NSMCE2: variants seen among roughly 807,000 people sequenced by gnomAD.
NSMCE2 encodes NSE2 SUMO ligase component of SMC5/6 complex, also known as E3 SUMO-protein ligase NSE2.
A neutral mutation model predicts 23.8 loss-of-function variants in NSMCE2; 24 were observed. That is an observed-to-expected ratio of 1.01 (90% confidence interval 0.73 to 1.42). The LOEUF (loss-of-function observed/expected upper bound fraction) is 1.42, where lower values mean the gene tolerates loss of function less well. Among genes scored for constraint, NSMCE2 ranks in the 40% most tolerant of loss-of-function variants. The pLI is 0.00. For synonymous variants in NSMCE2, 92 were observed against 94.1 expected, an observed-to-expected ratio of 0.98 and a Z score of 0.13; for missense variants, 284 against 296.5, an observed-to-expected ratio of 0.96 and a Z score of 0.31.
chr8:125,343,465 A>G (rs970510956), intron 5 of NSMCE2, among the ~76,000 whole-genome samples: 1 of 152,210 alleles, frequency 6.6e-6, no homozygotes, highest in African/African-American at 2.4e-5. Context: ...AGAAGAAAAC[A>G]TATTATATAA....
chr8:125,341,592 T>C (rs1474107650), intron 5 of NSMCE2, among the ~76,000 whole-genome samples: 3 of 152,082 alleles, frequency 2.0e-5, no homozygotes, highest in African/African-American at 7.2e-5. Flanking sequence ...TTTTTTCCTC[T>C]AATGAGGGCA....
At chr8:125,142,596 A>G (rs1350028605) in intron 3 of NSMCE2, among the ~76,000 whole-genome samples, 1 of 151,962 alleles carries the variant, frequency 6.6e-6, no homozygotes, top group Admixed American at 6.6e-5. Flanking sequence ...GGCAGTTATA[A>G]AATGTGTATT....
intron 3 of NSMCE2, among the ~76,000 whole-genome samples, chr8:125,146,963 A>T (rs572038351): frequency 6.6e-6 from 1 of 152,314 alleles, no homozygotes; most frequent in East Asian, 1.9e-4. Context: ...TGTAAGTTTG[A>T]TGTGCTGGCA....
At chr8:125,107,852 T>C (rs1326932367) in intron 3 of NSMCE2, among the ~76,000 whole-genome samples, 1 of 151,960 alleles carries the variant, frequency 6.6e-6, no homozygotes, top group East Asian at 1.9e-4. Flanking sequence ...TGCAGCAACA[T>C]GGCAAACCCT....
chr8:125,172,695 G>A (rs1342891011), intron 4 of NSMCE2, among the ~76,000 whole-genome samples: 1 of 152,104 alleles, frequency 6.6e-6, no homozygotes, highest in East Asian at 1.9e-4. Context: ...AGGGGAAATT[G>A]GTTAAAAACA....
At chr8:125,352,400 C>T (rs763461804) in intron 5 of NSMCE2, among the ~76,000 whole-genome samples, 16 of 150,500 alleles carry the variant, frequency 1.1e-4, no homozygotes, top group Non-Finnish European at 1.8e-4. Flanking sequence ...CGCTTGAACC[C>T]GGGAGGCGGA....
chr8:125,255,934 G>A (rs1449065589), intron 5 of NSMCE2, among the ~76,000 whole-genome samples: 2 of 152,126 alleles, frequency 1.3e-5, no homozygotes, highest in Non-Finnish European at 2.9e-5. Flanking sequence ...GGATGGGGAA[G>A]AGAAACTAGA....
At chr8:125,298,687 G>T (rs1174303947) in intron 5 of NSMCE2, among the ~76,000 whole-genome samples, 3 of 85,954 alleles carry the variant, frequency 3.5e-5, no homozygotes, top group Admixed American at 1.3e-4. Context: ...TCATCTGTGG[G>T]TTTTTTTTTG....
intron 5 of NSMCE2, among the ~76,000 whole-genome samples, chr8:125,233,275 G>A (rs1357257747): frequency 6.6e-6 from 1 of 152,200 alleles, no homozygotes; most frequent in Non-Finnish European, 1.5e-5. Flanking sequence ...AATCCACTTA[G>A]AAGAAAAGAA....
rs747936592 is a variant in NSMCE2 at position 125,324,169 on chromosome 8, C to G, written c.419-33050C>G. Among the ~76,000 whole-genome samples the G allele has an allele frequency of 8.7e-4, 132 of 152,118 alleles. 1 individual carries two copies. The highest frequency in any genetic ancestry group is 1.8e-3 in the Non-Finnish European group (121 of 67,996). On this transcript the variant is annotated intron_variant, in intron 5 of 7. Transcript: ENST00000287437. The stretch of plus-strand genomic sequence containing the variant: ...AGGATAGTTAAAGTTTTTAAAAACA[C>G]GACAAAAACTGATCATACCATGTGT...
At chr8:125,201,901 C>G (rs1317946328) in intron 5 of NSMCE2, among the ~76,000 whole-genome samples, 1 of 152,156 alleles carries the variant, frequency 6.6e-6, no homozygotes, top group Non-Finnish European at 1.5e-5. Flanking sequence ...TTAGCAATGG[C>G]GGACACCCCA....
chr8:125,292,033 C>G (rs1828128733), intron 5 of NSMCE2, among the ~76,000 whole-genome samples: 1 of 152,096 alleles, frequency 6.6e-6, no homozygotes, highest in African/African-American at 2.4e-5. Flanking sequence ...TGGGCCAGGA[C>G]TACACCAGGA....
At chr8:125,264,809 C>A (rs917289686) in intron 5 of NSMCE2, among the ~76,000 whole-genome samples, 2 of 152,152 alleles carry the variant, frequency 1.3e-5, no homozygotes, top group Admixed American at 6.5e-5. Flanking sequence ...TCTTCCAACT[C>A]TTTATAAAAT....
At chr8:125,253,641 T>G (rs1826286958) in intron 5 of NSMCE2, among the ~76,000 whole-genome samples, 1 of 152,208 alleles carries the variant, frequency 6.6e-6, no homozygotes, top group Non-Finnish European at 1.5e-5. Flanking sequence ...AATCTTCATC[T>G]TGGTTTGTAT....
chr8:125,139,605 T>TC (rs1192769975), intron 3 of NSMCE2, among the ~76,000 whole-genome samples: 1 of 152,144 alleles, frequency 6.6e-6, no homozygotes, highest in Non-Finnish European at 1.5e-5. Context: ...CTTTATAAAA[T>TC]CATCAGATCT....
chr8:125,296,747 A>G (rs1828344954), intron 5 of NSMCE2, among the ~76,000 whole-genome samples: 1 of 152,074 alleles, frequency 6.6e-6, no homozygotes, highest in Non-Finnish European at 1.5e-5. Flanking sequence ...CCTCCTTCGT[A>G]TTGTTGCTTA....
intron 3 of NSMCE2, among the ~76,000 whole-genome samples, chr8:125,149,582 T>G (rs1195069285): frequency 6.6e-6 from 1 of 152,208 alleles, no homozygotes; most frequent in Non-Finnish European, 1.5e-5. Context: ...TATCTTTTCC[T>G]AATCTATTAA....
chr8:125,265,826 A>G (rs372592587), intron 5 of NSMCE2, among the ~76,000 whole-genome samples: 1 of 151,878 alleles, frequency 6.6e-6, no homozygotes, highest in South Asian at 2.1e-4. Flanking sequence ...TGTTTTTTAA[A>G]TTTTCTCAGA....
intron 3 of NSMCE2, among the ~76,000 whole-genome samples, chr8:125,114,095 CG>C (rs1300045788): frequency 6.6e-6 from 1 of 152,130 alleles, no homozygotes; most frequent in Non-Finnish European, 1.5e-5. Context: ...ATATTTTGCC[CG>C]GTATGTCTAG....
Sources: allele counts gnomAD v4.1 joint callset (sites outside exome capture counted in the v4.1 genomes callset), GRCh38; gene constraint gnomAD v4.1.1; transcripts MANE v1.5; gene names NCBI Gene and HGNC (gene_info 2026-07-23, HGNC 2026-07-21).